The following DLC1 variants were observed in gnomAD, a reference collection of about 807,000 sequenced individuals.
DLC1 encodes the protein DLC1 Rho GTPase activating protein, also known as rho GTPase-activating protein 7.
In DLC1, 54 loss-of-function variants were observed where a neutral mutation model predicts 140.3. That is an observed-to-expected ratio of 0.38 (90% CI 0.31 to 0.48). DLC1 has a LOEUF of 0.48. Ranked by LOEUF, DLC1 falls within the 20% of genes least tolerant of loss-of-function variation. The pLI is 0.96. For missense variants in DLC1, 2,536 were observed against 1,907.0 expected, an observed-to-expected ratio of 1.33 and a Z score of -6.14; for synonymous variants, 986 against 728.1, an observed-to-expected ratio of 1.35 and a Z score of -5.70.
chr8:13,571,420 A>G (rs1804648989), intron 1 of DLC1, among the ~76,000 whole-genome samples: 1 of 152,298 alleles, frequency 6.6e-6, no homozygotes, highest in Middle Eastern at 3.4e-3. Context: ...CTATTGCTAT[A>G]AATTTGCTTA....
intron 5 of DLC1, among the ~76,000 whole-genome samples, chr8:13,175,586 A>C (rs1825716545): frequency 6.6e-6 from 1 of 152,192 alleles, no homozygotes; most frequent in African/African-American, 2.4e-5. Flanking sequence ...CTATAGACTC[A>C]CAAAAAGTTG....
intron 5 of DLC1, among the ~76,000 whole-genome samples, chr8:13,220,636 T>C (rs1437192960): frequency 6.6e-6 from 1 of 152,172 alleles, no homozygotes; most frequent in Non-Finnish European, 1.5e-5. Context: ...CACAGCTCAA[T>C]TTTTATGGCA....
chr8:13,267,231 A>G, intron 5 of DLC1, among the ~76,000 whole-genome samples: 1 of 152,222 alleles, frequency 6.6e-6, no homozygotes, highest in East Asian at 1.9e-4. Flanking sequence ...TTTAGACCTG[A>G]AATGGGCTTC....
chr8:13,085,892 A>C lies in DLC1; in HGVS notation c.4506T>G (p.His1502Gln). The C allele has an allele frequency of 1.2e-6, 2 of 1,614,180 alleles. No individual in the cohort carries two copies. The highest frequency in any genetic ancestry group is 1.7e-6 in the Non-Finnish European group (2 of 1,180,028). ...MPEWYTKSFG[H>Q]LCAAEVVKIR... ...TCTTTACAACTTCAGCTGCACACAAATGTCCAAAAGATTTTGTGTACCATT... is the reference window on the plus strand; with the variant it reads ...TCTTTACAACTTCAGCTGCACACAACTGTCCAAAAGATTTTGTGTACCATT... Residue 1502 changes from histidine to glutamine, a missense_variant, in exon 18 of 18, where the codon CAT (histidine) becomes CAG (glutamine). Coordinates refer to ENST00000276297, the MANE Select transcript of DLC1 (RefSeq NM_182643.3).
At chr8:13,104,058 C>T (rs1819342902) in intron 7 of DLC1, among the ~76,000 whole-genome samples, 1 of 151,952 alleles carries the variant, frequency 6.6e-6, no homozygotes, top group Non-Finnish European at 1.5e-5. Flanking sequence ...TTTTAGAGTC[C>T]TTGCACAGAA....
intron 5 of DLC1, among the ~76,000 whole-genome samples, chr8:13,208,273 A>G (rs1827770689): frequency 6.6e-6 from 1 of 152,196 alleles, no homozygotes; most frequent in South Asian, 2.1e-4. Flanking sequence ...AAATATGGAC[A>G]TGGAAATAAA....
At chr8:13,131,757 T>G (rs1822112528) in intron 5 of DLC1, among the ~76,000 whole-genome samples, 1 of 152,176 alleles carries the variant, frequency 6.6e-6, no homozygotes, top group Non-Finnish European at 1.5e-5. Flanking sequence ...ACCCCTTTGG[T>G]GCAGATGAAG....
At chr8:13,444,732 G>A (rs1188069934) in intron 2 of DLC1, among the ~76,000 whole-genome samples, 4 of 152,090 alleles carry the variant, frequency 2.6e-5, no homozygotes, top group African/African-American at 7.2e-5. Flanking sequence ...TACAAGAATA[G>A]AAGCAAATAT....
intron 2 of DLC1, among the ~76,000 whole-genome samples, chr8:13,436,615 T>G (rs1049401791): frequency 6.6e-6 from 1 of 152,164 alleles, no homozygotes; most frequent in Non-Finnish European, 1.5e-5. Context: ...TTAAGCAGCA[T>G]TTTAACACAC....
At chr8:13,148,130 T>A (rs1458177534) in intron 5 of DLC1, among the ~76,000 whole-genome samples, 1 of 151,972 alleles carries the variant, frequency 6.6e-6, no homozygotes. Flanking sequence ...TTTTTTTTTT[T>A]AATTTTAGGT....
chr8:13,400,720 T>C (rs1182223222), intron 3 of DLC1, among the ~76,000 whole-genome samples: 3 of 152,280 alleles, frequency 2.0e-5, no homozygotes, highest in African/African-American at 7.2e-5. Flanking sequence ...TATTATTGAA[T>C]AACACAAATA....
chr8:13,410,674 C>A (rs971895881), intron 2 of DLC1, among the ~76,000 whole-genome samples: 1 of 151,424 alleles, frequency 6.6e-6, no homozygotes, highest in Non-Finnish European at 1.5e-5. Context: ...AAAAATGTCA[C>A]CAAAGAATGT....
At chr8:13,590,594 C>A (rs1271325282) in intron 1 of DLC1, among the ~76,000 whole-genome samples, 9 of 152,012 alleles carry the variant, frequency 5.9e-5, no homozygotes, top group Non-Finnish European at 1.0e-4. Context: ...CAGAATTTTA[C>A]TTTTCTAGCC....
chr8:13,139,240 G>A (rs1822791515), intron 5 of DLC1, among the ~76,000 whole-genome samples: 2 of 123,570 alleles, frequency 1.6e-5, no homozygotes, highest in Non-Finnish European at 3.2e-5. Flanking sequence ...ATTAAGCTGA[G>A]AATGTGCCAC....
intron 5 of DLC1, among the ~76,000 whole-genome samples, chr8:13,200,742 C>T (rs1245247022): frequency 5.9e-5 from 9 of 151,888 alleles, no homozygotes; most frequent in Non-Finnish European, 1.2e-4. Flanking sequence ...GTAGGTGGGA[C>T]GACAGGTCCA....
intron 5 of DLC1, among the ~76,000 whole-genome samples, chr8:13,293,883 G>A (rs971231292): frequency 1.3e-5 from 2 of 152,114 alleles, no homozygotes; most frequent in Non-Finnish European, 2.9e-5. Context: ...CAGTAGATTT[G>A]TCTCATCTAA....
chr8:13,376,587 A>G (rs1157386019), intron 4 of DLC1, among the ~76,000 whole-genome samples: 3 of 152,186 alleles, frequency 2.0e-5, no homozygotes, highest in Admixed American at 1.3e-4. Context: ...AAATGTTAAG[A>G]AATAAGGCAG....
At chr8:13,575,855 A>G (rs1804818373) in intron 1 of DLC1, among the ~76,000 whole-genome samples, 1 of 152,184 alleles carries the variant, frequency 6.6e-6, no homozygotes, top group Admixed American at 6.5e-5. Flanking sequence ...GTATAAAGGA[A>G]GGCTTTGTAT....
intron 4 of DLC1, among the ~76,000 whole-genome samples, chr8:13,328,592 G>C (rs1009793463): frequency 2.0e-5 from 3 of 152,188 alleles, no homozygotes; most frequent in Non-Finnish European, 4.4e-5. Context: ...CTGGTTTTAG[G>C]AGTCTGGAGG....
Sources: gnomAD v4.1 joint callset for allele counts (sites outside exome capture counted in the v4.1 genomes callset) on GRCh38, gnomAD v4.1.1 for gene constraint, MANE v1.5 for transcripts, NCBI Gene and HGNC (gene_info 2026-07-23, HGNC 2026-07-21) for gene names.